Variants in CNNM2 observed in about 807,000 individuals in gnomAD.
CNNM2 encodes metal transporter CNNM2.
CNNM2 carries 12 observed loss-of-function variants against 66.9 expected under a neutral mutation model. The ratio of observed to expected loss-of-function variants is 0.18; its 90% confidence interval spans 0.11 to 0.29. The LOEUF is 0.29. Ranked by LOEUF, CNNM2 falls within the 10% of genes least tolerant of loss-of-function variation. The pLI, the probability that CNNM2 is intolerant of heterozygous loss-of-function variation, is 1.00. For missense variants in CNNM2, 705 were observed against 1,167.7 expected (o/e 0.60, Z 5.77); for synonymous variants, 557 against 501.8 (o/e 1.11, Z -1.47).
intron 1 of CNNM2, among the ~76,000 whole-genome samples, chr10:102,965,238 C>T (rs1266505635): frequency 1.3e-5 from 2 of 152,218 alleles, no homozygotes; most frequent in Non-Finnish European, 2.9e-5. Flanking sequence ...TTCTTCCCTG[C>T]TCTGTCTTGA....
intron 1 of CNNM2, among the ~76,000 whole-genome samples, chr10:102,973,713 A>G (rs960229963): frequency 6.6e-6 from 1 of 151,968 alleles, no homozygotes; most frequent in African/African-American, 2.4e-5. Flanking sequence ...ACATTTTAAT[A>G]TTTCATTTTA....
intron 1 of CNNM2, among the ~76,000 whole-genome samples, chr10:102,970,769 G>C (rs938349542): frequency 6.6e-6 from 1 of 152,116 alleles, no homozygotes; most frequent in Non-Finnish European, 1.5e-5. Flanking sequence ...TCTTGTGTTG[G>C]TTCTCCAGTT....
In CNNM2 at chr10:103,083,252, CATTTT is replaced by C. The variant is rs1387648008; in HGVS notation, c.*6075_*6079del. 6.6e-6 allele frequency: 1 copy of C among 152,208 alleles called. No homozygotes were observed. The highest frequency in any genetic ancestry group is 1.5e-5 in the Non-Finnish European group (1 of 68,042). 9.4% of individuals were successfully genotyped at this position (152,208 alleles called of 1,614,324 possible). A position where few individuals can be genotyped will look rare whatever the true frequency, so the allele number is the denominator to read the frequency against. On this transcript the variant is annotated 3_prime_UTR_variant, in exon 8 of 8. Coordinates refer to ENST00000369878, the MANE Select transcript of CNNM2 (RefSeq NM_017649.5). Reference sequence around the variant, plus strand: ...ATTGAGCTGATTGTCTTAATGAATGCATTTTATAATTCAAATGATGTAGATGTACA... The same window carrying C: ...ATTGAGCTGATTGTCTTAATGAATGCATAATTCAAATGATGTAGATGTACA...
At chr10:103,042,217 T>C (rs1290350799) in intron 1 of CNNM2, among the ~76,000 whole-genome samples, 1 of 152,200 alleles carries the variant, frequency 6.6e-6, no homozygotes, top group Non-Finnish European at 1.5e-5. Context: ...TGGCTCTTTC[T>C]GAAACACTGT....
chr10:103,077,231 C>T lies in CNNM2; in HGVS notation c.*51C>T. 1.3e-6 allele frequency: 2 copies of T among 1,531,988 alleles called. No individual in the cohort carries two copies. Among genetic ancestry groups the T allele is most frequent in the Non-Finnish European group, 1.8e-6 (2 of 1,116,516 alleles). The allele number at this position is 1,531,988 out of a possible 1,614,324, so 94.9% of individuals were successfully genotyped here. On this transcript the variant is annotated 3_prime_UTR_variant, in exon 8 of 8. Transcript: ENST00000369878. ...CCCGCACCCGCCCAGTCCCGAGGGC[C>T]CGGCCCTGTCTGCCCATGACTTCAC...
intron 1 of CNNM2, among the ~76,000 whole-genome samples, chr10:102,942,826 C>T (rs1846476249): frequency 6.6e-6 from 1 of 152,116 alleles, no homozygotes; most frequent in Non-Finnish European, 1.5e-5. Context: ...TATGATGTTG[C>T]CAGTAGAGTT....
At chr10:103,021,439 G>A (rs2064577742) in intron 1 of CNNM2, among the ~76,000 whole-genome samples, 1 of 152,126 alleles carries the variant, frequency 6.6e-6, no homozygotes, top group Non-Finnish European at 1.5e-5. Context: ...TTGGAGTCCC[G>A]GGCTTCTTGT....
chr10:102,945,962 T>C (rs1418630774), intron 1 of CNNM2, among the ~76,000 whole-genome samples: 1 of 152,110 alleles, frequency 6.6e-6, no homozygotes, highest in East Asian at 1.9e-4. Context: ...TGGTCATTGA[T>C]TACTTTACCA....
chr10:102,932,427 T>G (rs1846095050), intron 1 of CNNM2, among the ~76,000 whole-genome samples: 1 of 152,178 alleles, frequency 6.6e-6, no homozygotes, highest in Non-Finnish European at 1.5e-5. Context: ...TCACAAAGAT[T>G]TATGCCTATG....
intron 1 of CNNM2, among the ~76,000 whole-genome samples, chr10:103,031,281 T>A (rs999229622): frequency 6.6e-6 from 1 of 152,316 alleles, no homozygotes; most frequent in African/African-American, 2.4e-5. Context: ...AGTTACCCTC[T>A]CTTACTCTTG....
At chr10:103,033,392 G>A (rs1590429489) in intron 1 of CNNM2, among the ~76,000 whole-genome samples, 1 of 152,038 alleles carries the variant, frequency 6.6e-6, no homozygotes, top group East Asian at 1.9e-4. Flanking sequence ...GGGTTTCACT[G>A]TGTTAGCCAG....
At chr10:102,978,063 C>T (rs1314374104) in intron 1 of CNNM2, among the ~76,000 whole-genome samples, 1 of 152,022 alleles carries the variant, frequency 6.6e-6, no homozygotes, top group Non-Finnish European at 1.5e-5. Context: ...GCATGCACCA[C>T]CACGCCTGGC....
At chr10:103,026,148 G>GT (rs1396856703) in intron 1 of CNNM2, among the ~76,000 whole-genome samples, 1 of 152,190 alleles carries the variant, frequency 6.6e-6, no homozygotes, top group Non-Finnish European at 1.5e-5. Context: ...CCTCCAAACT[G>GT]TAAGAAATCT....
Position 103,081,768 on chromosome 10 carries a change from A to G in CNNM2, c.*4588A>G, listed in dbSNP as rs117539207. ...TTTCCCTTTTGCTACCTTCTTTCCT[A>G]TCTGGAGATTCATATTCTAGAGTCC... On this transcript the variant is annotated 3_prime_UTR_variant, in exon 8 of 8. Coordinates refer to ENST00000369878, the MANE Select transcript of CNNM2 (RefSeq NM_017649.5). The G allele has an allele frequency of 3.3e-5, 5 of 152,192 alleles. No homozygotes were observed. In the East Asian group the frequency reaches 7.7e-4, roughly 24 times the overall value. The allele number at this position is 152,192 out of a possible 1,614,324, so 9.4% of individuals were successfully genotyped here. A position where few individuals can be genotyped will look rare whatever the true frequency, so the allele number is the denominator to read the frequency against.
rs1270797372 is a variant in CNNM2 at position 102,919,485 on chromosome 10, C to T, written c.1005C>T (p.Asp335=). The change falls in exon 1 of 8, where the codon GAC becomes GAT. Residue 335 remains aspartate (D), a synonymous_variant. Coordinates refer to ENST00000369878, the MANE Select transcript of CNNM2 (RefSeq NM_017649.5). The part of the protein sequence containing the change: ...LVNTTLTILL[D]DIAGSGLVAV... ...ACACCACGCTCACCATCCTGCTCGA[C>T]GACATCGCCGGCTCGGGCCTCGTGG... The T allele has an allele frequency of 6.2e-7, 1 of 1,612,566 alleles. No individual in the cohort carries two copies. The highest frequency in any genetic ancestry group is 8.5e-7 in the Non-Finnish European group (1 of 1,180,030).
At chr10:103,026,327 T>C (rs2064702136) in intron 1 of CNNM2, among the ~76,000 whole-genome samples, 1 of 151,778 alleles carries the variant, frequency 6.6e-6, no homozygotes, top group African/African-American at 2.4e-5. Context: ...AGGCTGGGAG[T>C]AGTGGCTCAT....
Position 103,082,211 on chromosome 10 carries a change from T to C in CNNM2, c.*5031T>C, listed in dbSNP as rs1040911225. The stretch of plus-strand genomic sequence containing the variant: ...GAATGGGAGCATTGTCTTGCCTCGC[T>C]TGGAAGGACGCCTTCCGGCATCTGA... On this transcript the variant is annotated 3_prime_UTR_variant, in exon 8 of 8. Transcript: ENST00000369878. 4 of 152,240 alleles carry C rather than the reference T, an allele frequency of 2.6e-5. No homozygotes were observed. Among genetic ancestry groups the C allele is most frequent in the African/African-American group, 9.6e-5 (4 of 41,466 alleles). 9.4% of individuals were successfully genotyped at this position (152,240 alleles called of 1,614,324 possible).
intron 1 of CNNM2, among the ~76,000 whole-genome samples, chr10:102,980,119 T>A (rs1425430536): frequency 6.6e-6 from 1 of 152,112 alleles, no homozygotes; most frequent in Non-Finnish European, 1.5e-5. Flanking sequence ...TTTCGCCATG[T>A]TGGCAGGCTG....
intron 1 of CNNM2, among the ~76,000 whole-genome samples, chr10:103,021,027 C>A (rs992878615): frequency 2.6e-5 from 4 of 152,152 alleles, no homozygotes; most frequent in African/African-American, 9.7e-5. Context: ...CTTTGCTTCT[C>A]CCTATGGTGG....
Sources: allele counts gnomAD v4.1 joint callset (sites outside exome capture counted in the v4.1 genomes callset), GRCh38; gene constraint gnomAD v4.1.1; transcripts MANE v1.5; gene names NCBI Gene and HGNC (gene_info 2026-07-23, HGNC 2026-07-21).